MOSMO: variants seen among roughly 807,000 people sequenced by gnomAD.
MOSMO encodes the protein modulator of smoothened protein.
MOSMO carries 5 observed loss-of-function variants against 18.4 expected under a neutral mutation model. That is an observed-to-expected ratio of 0.27 (90% CI 0.14 to 0.57). The LOEUF (loss-of-function observed/expected upper bound fraction) is 0.57, where lower values mean the gene tolerates loss of function less well. Among genes scored for constraint, MOSMO ranks in the 20% least tolerant of loss-of-function variants. MOSMO has a pLI of 0.92. For synonymous variants in MOSMO, 82 were observed against 82.3 expected (o/e 1.00, Z 0.02); for missense variants, 138 against 211.8 (o/e 0.65, Z 2.16).
downstream of MOSMO, among the ~76,000 whole-genome samples, chr16:22,092,008 A>G (rs563048441): frequency 6.6e-6 from 1 of 152,314 alleles, no homozygotes; most frequent in South Asian, 2.1e-4. Flanking sequence ...CAAACAATCC[A>G]GGTGATTCTC....
chr16:22,085,466 C>T (rs1423559179), downstream of MOSMO, among the ~76,000 whole-genome samples: 3 of 152,136 alleles, frequency 2.0e-5, no homozygotes, highest in Admixed American at 2.0e-4. Flanking sequence ...TTTCTATAAA[C>T]ATTAATGAAT....
At chr16:22,033,513 G>A (rs1222707712) in intron 1 of MOSMO, among the ~76,000 whole-genome samples, 1 of 151,540 alleles carries the variant, frequency 6.6e-6, no homozygotes, top group Non-Finnish European at 1.5e-5. Context: ...TCAGCCTCCT[G>A]AGTAGCTGAG....
intron 1 of MOSMO, among the ~76,000 whole-genome samples, chr16:22,060,436 A>G (rs1598018531): frequency 6.6e-6 from 1 of 152,222 alleles, no homozygotes; most frequent in East Asian, 1.9e-4. Flanking sequence ...ATTAAACATT[A>G]GGGAAATAAA....
At chr16:22,014,594 C>T (rs1264650833) in intron 1 of MOSMO, among the ~76,000 whole-genome samples, 1 of 152,084 alleles carries the variant, frequency 6.6e-6, no homozygotes, top group Non-Finnish European at 1.5e-5. Flanking sequence ...CACTGGGGAT[C>T]CTCAGTTTAA....
chr16:22,053,804 A>C (rs1389705900), intron 1 of MOSMO, among the ~76,000 whole-genome samples: 2 of 152,034 alleles, frequency 1.3e-5, no homozygotes, highest in Admixed American at 6.5e-5. Context: ...CTCCGTCTCA[A>C]AAAAAAAGAA....
rs1301507263 is a variant in MOSMO, at chr16:22,008,337, T to C, written c.36T>C (p.Phe12=). ...DKLTIISGCL[F]LAADIFAIAS... ...TGACCATCATCTCAGGATGTCTCTTTCTGGCCGCCGATATCTTCGCCATCG... is the reference window on the plus strand; with the variant it reads ...TGACCATCATCTCAGGATGTCTCTTCCTGGCCGCCGATATCTTCGCCATCG... The change falls in exon 1 of 3, where the codon TTT becomes TTC. Residue 12 remains phenylalanine, a synonymous_variant. Transcript: ENST00000542527. The C allele has an allele frequency of 7.8e-6, 12 of 1,533,306 alleles. No homozygotes were observed. The African/African-American group carries it at 8.2e-5, about 11-fold the overall frequency. 95.0% of individuals were successfully genotyped at this position (1,533,306 alleles called of 1,614,324 possible).
At chr16:22,034,141 C>T (rs1243808394) in intron 1 of MOSMO, among the ~76,000 whole-genome samples, 1 of 152,208 alleles carries the variant, frequency 6.6e-6, no homozygotes, top group Non-Finnish European at 1.5e-5. Flanking sequence ...AGAATATTCC[C>T]AATTCCTTTG....
At chr16:22,049,111 G>A (rs1032229190) in intron 1 of MOSMO, among the ~76,000 whole-genome samples, 1 of 152,136 alleles carries the variant, frequency 6.6e-6, no homozygotes, top group African/African-American at 2.4e-5. Context: ...TTACTGGAGA[G>A]TATTTTGTTG....
intron 1 of MOSMO, among the ~76,000 whole-genome samples, chr16:22,051,561 A>G (rs1331455352): frequency 6.6e-6 from 1 of 152,182 alleles, no homozygotes; most frequent in Non-Finnish European, 1.5e-5. Flanking sequence ...AGTACCAACA[A>G]CAGCTCCATG....
Position 22,050,609 on chromosome 16 carries a change from G to T in MOSMO, c.107-24878G>T, listed in dbSNP as rs375628877. On this transcript the variant is annotated intron_variant, in intron 1 of 2. Transcript: ENST00000542527. ...ATTTGGTCCAAAATGTTAGTAGTGG[G>T]CCAGGTGTGGTGGCTTATGTCTTTA... is the stretch of plus-strand genomic sequence containing the variant. Among the ~76,000 whole-genome samples, 4 of 152,302 alleles carry T rather than the reference G, an allele frequency of 2.6e-5. No homozygotes were observed. In the South Asian group the frequency reaches 6.2e-4, roughly 24 times the overall value.
chr16:22,013,965 T>A (rs984358399), intron 1 of MOSMO, among the ~76,000 whole-genome samples: 2 of 152,094 alleles, frequency 1.3e-5, no homozygotes, highest in Non-Finnish European at 2.9e-5. Context: ...ATAAGGTATT[T>A]AGGGGCTAAA....
At chr16:22,046,046 G>A (rs1442528718) in intron 1 of MOSMO, among the ~76,000 whole-genome samples, 2 of 99,288 alleles carry the variant, frequency 2.0e-5, no homozygotes, top group African/African-American at 8.3e-5. Context: ...CCCCACAACA[G>A]GCCCGGGTGT....
downstream of MOSMO, among the ~76,000 whole-genome samples, chr16:22,089,582 G>T (rs1433372818): frequency 6.6e-6 from 1 of 152,116 alleles, no homozygotes; most frequent in Non-Finnish European, 1.5e-5. Flanking sequence ...GTTGTGCAGA[G>T]GTTCGTGGTT....
intron 1 of MOSMO, among the ~76,000 whole-genome samples, chr16:22,009,829 A>AAAAAAAAC: frequency 6.8e-6 from 1 of 148,146 alleles, no homozygotes. Context: ...AAAAAAAAAA[A>AAAAAAAAC]AAAAAAAAGA....
At chr16:22,056,532 G>A (rs1900539919) in intron 1 of MOSMO, among the ~76,000 whole-genome samples, 1 of 150,346 alleles carries the variant, frequency 6.7e-6, no homozygotes, top group Non-Finnish European at 1.5e-5. Context: ...TACCACACCC[G>A]GTTAATTTTA....
At chr16:22,079,450 G>A (rs1308448049) in intron 2 of MOSMO, among the ~76,000 whole-genome samples, 1 of 152,216 alleles carries the variant, frequency 6.6e-6, no homozygotes, top group African/African-American at 2.4e-5. Context: ...TAAATAGTTT[G>A]TGTTCACTAA....
chr16:22,070,805 C>T (rs1436636791), intron 1 of MOSMO, among the ~76,000 whole-genome samples: 1 of 152,116 alleles, frequency 6.6e-6, no homozygotes, highest in Non-Finnish European at 1.5e-5. Flanking sequence ...TACCCGTAGG[C>T]TGTTGTTTTG....
intron 1 of MOSMO, among the ~76,000 whole-genome samples, chr16:22,023,681 A>T (rs1353292655): frequency 6.6e-6 from 1 of 151,918 alleles, no homozygotes. Context: ...TCATACCCAG[A>T]TGAAAAAGTT....
chr16:22,078,475 T>C (rs1230943332), intron 2 of MOSMO, among the ~76,000 whole-genome samples: 1 of 152,230 alleles, frequency 6.6e-6, no homozygotes, highest in Non-Finnish European at 1.5e-5. Context: ...TTGGAAAATA[T>C]TTAACTCTTG....
Sources: allele counts gnomAD v4.1 joint callset (sites outside exome capture counted in the v4.1 genomes callset), GRCh38; gene constraint gnomAD v4.1.1; transcripts MANE v1.5; gene names NCBI Gene and HGNC (gene_info 2026-07-23, HGNC 2026-07-21).